LINC00305: variants seen among roughly 807,000 people sequenced by gnomAD.
LINC00305 encodes the protein long intergenic non-protein coding RNA 305.
intron 1 of LINC00305, among the ~76,000 whole-genome samples, chr18:64,112,355 A>G (rs997895054): frequency 2.0e-5 from 3 of 149,630 alleles, no homozygotes; most frequent in Non-Finnish European, 3.0e-5. Flanking sequence ...AAAAAAAAAA[A>G]TCCTACCTTG....
intron 1 of LINC00305, among the ~76,000 whole-genome samples, chr18:64,111,476 C>G (rs945422964): frequency 6.6e-6 from 1 of 152,188 alleles, no homozygotes; most frequent in Non-Finnish European, 1.5e-5. Flanking sequence ...AATAAGCTCC[C>G]TGATACCCTG....
intron 3 of LINC00305, among the ~76,000 whole-genome samples, chr18:64,094,844 AC>A (rs2051238641): frequency 9.2e-6 from 1 of 108,956 alleles, no homozygotes; most frequent in African/African-American, 5.0e-5. Context: ...ACAGAGCAAG[AC>A]TTCATCTCAA....
chr18:64,135,259 G>A lies in LINC00305; in HGVS notation n.314+13516C>T, dbSNP rs913494907. Among the ~76,000 whole-genome samples, 7 of 152,132 alleles carry A rather than the reference G, an allele frequency of 4.6e-5. 1 individual carries two copies. Among genetic ancestry groups the A allele is most frequent in the African/African-American group, 1.7e-4 (7 of 41,416 alleles). ...CTCATTTTAATATGAACAGCTTTGT[G>A]AAAACCCTGTCTCCAAAATAAGGTA... On this transcript the variant is annotated intron_variant and non_coding_transcript_variant, in intron 1 of 3. Transcript: ENST00000666468.
intron 3 of LINC00305, among the ~76,000 whole-genome samples, chr18:64,082,530 C>T (rs2051188988): frequency 6.6e-6 from 1 of 152,198 alleles, no homozygotes; most frequent in African/African-American, 2.4e-5. Context: ...TAGGCTCTAT[C>T]TGGGCAGTGG....
chr18:64,120,598 A>G (rs2051357876), intron 1 of LINC00305, among the ~76,000 whole-genome samples: 1 of 152,082 alleles, frequency 6.6e-6, no homozygotes, highest in Admixed American at 6.6e-5. Context: ...TCAGATGCTC[A>G]AGGAGAGCCA....
intron 1 of LINC00305, among the ~76,000 whole-genome samples, chr18:64,131,590 A>T (rs2051410082): frequency 6.6e-6 from 1 of 152,190 alleles, no homozygotes; most frequent in South Asian, 2.1e-4. Context: ...TTTTGTTCTT[A>T]TATATAGCAT....
chr18:64,098,152 A>G (rs1048368821), intron 2 of LINC00305: 6 of 352,944 alleles, frequency 1.7e-5, no homozygotes, highest in Non-Finnish European at 2.8e-5. Flanking sequence ...AAAAGTTGAA[A>G]CTATCCATCT....
At chr18:64,096,985 A>T (rs574699891) in intron 3 of LINC00305, among the ~76,000 whole-genome samples, 237 of 152,036 alleles carry the variant, frequency 1.6e-3, no homozygotes, top group African/African-American at 5.5e-3. Flanking sequence ...ATAGCATTTT[A>T]AAAATTAATA....
intron 3 of LINC00305, among the ~76,000 whole-genome samples, chr18:64,093,611 G>C (rs2051233416): frequency 6.6e-6 from 1 of 152,228 alleles, no homozygotes; most frequent in African/African-American, 2.4e-5. Flanking sequence ...TGGGATCACA[G>C]GCATGAGCCA....
At chr18:64,080,324 T>C (rs1247022840) in exon 4 of LINC00305, 1 of 457,682 alleles carries the variant, frequency 2.2e-6, no homozygotes, top group East Asian at 7.0e-5. Context: ...TTTCCTCTTC[T>C]CTTTGACAAC....
intron 1 of LINC00305, among the ~76,000 whole-genome samples, chr18:64,103,144 A>C (rs1453898261): frequency 6.6e-6 from 1 of 152,192 alleles, no homozygotes; most frequent in Non-Finnish European, 1.5e-5. Context: ...GAATCAGAAG[A>C]TATAAAACAC....
At chr18:64,148,198 C>G (rs1021258800) in intron 1 of LINC00305, among the ~76,000 whole-genome samples, 5 of 152,026 alleles carry the variant, frequency 3.3e-5, no homozygotes, top group African/African-American at 1.2e-4. Context: ...AGATTCAGTT[C>G]AGAGGGGAGA....
At chr18:64,148,766 T>C (rs1201798713) in intron 1 of LINC00305, 1 of 152,236 alleles carries the variant, frequency 6.6e-6, no homozygotes, top group Non-Finnish European at 1.5e-5. Context: ...AGAGTTTTTT[T>C]ACAAGTACCT....
intron 1 of LINC00305, among the ~76,000 whole-genome samples, chr18:64,108,519 T>C (rs1269071110): frequency 6.6e-6 from 1 of 152,160 alleles, no homozygotes; most frequent in Admixed American, 6.5e-5. Context: ...GACAGTCTAT[T>C]CCCATTCCTT....
intron 1 of LINC00305, among the ~76,000 whole-genome samples, chr18:64,134,025 G>A (rs2051421683): frequency 6.6e-6 from 1 of 152,116 alleles, no homozygotes; most frequent in African/African-American, 2.4e-5. Context: ...GAGAAATATA[G>A]TTTTTAAGGT....
rs569082064 is a variant in LINC00305 at position 64,119,277 on chromosome 18, G to A, written n.315-20637C>T. The stretch of plus-strand genomic sequence containing the variant: ...AACAGAAGGAAGGAGGTCATTCCAA[G>A]CTGATGGACTGACTGAGTAAAGGCT... On this transcript the variant is annotated intron_variant and non_coding_transcript_variant, in intron 1 of 3. Transcript: ENST00000666468. Among the ~76,000 whole-genome samples the A allele has an allele frequency of 2.0e-5, 3 of 152,220 alleles. No homozygotes were observed. In the South Asian group the frequency reaches 6.2e-4, roughly 32 times the overall value.
chr18:64,112,769 A>G (rs182501284), intron 1 of LINC00305, among the ~76,000 whole-genome samples: 10 of 152,224 alleles, frequency 6.6e-5, no homozygotes, highest in Admixed American at 4.6e-4. Flanking sequence ...AATCTTTTCT[A>G]TTTTACTTCA....
rs1491464889 is a variant in LINC00305 at position 64,141,077 on chromosome 18, A to AG, written n.314+7697_314+7698insC. Among the ~76,000 whole-genome samples, 6 of 141,590 alleles carry AG rather than the reference A, an allele frequency of 4.2e-5. No homozygotes were observed. The South Asian group carries it at 8.8e-4, about 21-fold the overall frequency. The allele number at this position is 141,590 out of a possible 152,430, so 92.9% of individuals were successfully genotyped here. The stretch of plus-strand genomic sequence containing the variant: ...TAAAAAAAAAAAAAAAAAAAAAAAA[A>AG]TGATTCTTCCCTGGAGCCTGAAGAA... On this transcript the variant is annotated intron_variant and non_coding_transcript_variant, in intron 1 of 3. Transcript: ENST00000666468.
intron 1 of LINC00305, among the ~76,000 whole-genome samples, chr18:64,131,228 C>G (rs1465625621): frequency 6.6e-6 from 1 of 152,176 alleles, no homozygotes; most frequent in Non-Finnish European, 1.5e-5. Context: ...ATATTCATGA[C>G]TAAACGTTGG....
Sources: allele counts gnomAD v4.1 joint callset (sites outside exome capture counted in the v4.1 genomes callset), GRCh38; gene constraint gnomAD v4.1.1; transcripts MANE v1.5; gene names NCBI Gene and HGNC (gene_info 2026-07-23, HGNC 2026-07-21).